RAPH1: variants seen among roughly 807,000 people sequenced by gnomAD.
RAPH1 encodes the protein Ras association (RalGDS/AF-6) and pleckstrin homology domains 1, also known as ras-associated and pleckstrin homology domains-containing protein 1.
Under a neutral mutation model 88.1 loss-of-function variants are expected in RAPH1, and 18 were observed. The ratio of observed to expected loss-of-function variants is 0.20; its 90% CI spans 0.14 to 0.30. The LOEUF (loss-of-function observed/expected upper bound fraction) is 0.30, where lower values mean the gene tolerates loss of function less well. Ranked by LOEUF, RAPH1 falls within the 10% of genes least tolerant of loss-of-function variation. The probability of loss-of-function intolerance (pLI) is 1.00; values close to 1 mark genes in which losing one functional copy is unlikely to be tolerated. For missense variants in RAPH1, 1,448 were observed against 1,543.2 expected, an observed-to-expected ratio of 0.94 and a Z score of 1.03; for synonymous variants, 587 against 559.0, an observed-to-expected ratio of 1.05 and a Z score of -0.71.
intron 1 of RAPH1, among the ~76,000 whole-genome samples, chr2:203,532,308 A>C (rs1690424612): frequency 6.6e-6 from 1 of 152,216 alleles, no homozygotes; most frequent in Non-Finnish European, 1.5e-5. Context: ...TTGGGATGAT[A>C]AAAAATTTCT....
chr2:203,510,645 T>C (rs949624266), intron 1 of RAPH1, among the ~76,000 whole-genome samples: 3 of 152,112 alleles, frequency 2.0e-5, no homozygotes, highest in African/African-American at 7.2e-5. Flanking sequence ...TGGTGGTAGT[T>C]AGATATAAAC....
intron 1 of RAPH1, among the ~76,000 whole-genome samples, chr2:203,519,900 C>T (rs1468624040): frequency 1.3e-5 from 2 of 152,154 alleles, no homozygotes; most frequent in African/African-American, 4.8e-5. Context: ...TAACATTTTC[C>T]TATAGAGAAA....
In RAPH1 at chr2:203,502,737, G is replaced by A. The variant is rs572027435; in HGVS notation, c.1-7384C>T. Among the ~76,000 whole-genome samples, 15 of 149,470 alleles carry A rather than the reference G, an allele frequency of 1.0e-4. No homozygotes were observed. In the East Asian group the frequency reaches 1.0e-3, roughly 10 times the overall value. ...CGGGAGGCTGAGGCAGAAGAATGGC[G>A]TGAACCCTGGAGGTGGAGCTTGCAG... On this transcript the variant is annotated intron_variant, in intron 1 of 13. Coordinates refer to ENST00000319170, the MANE Select transcript of RAPH1 (RefSeq NM_213589.3).
intron 1 of RAPH1, among the ~76,000 whole-genome samples, chr2:203,509,963 G>C (rs528957166): frequency 3.3e-5 from 5 of 152,200 alleles, no homozygotes; most frequent in South Asian, 4.1e-4. Flanking sequence ...CCCAGAAGCA[G>C]AGCAGATGCC....
chr2:203,441,877 G>A (rs2098504564), intron 13 of RAPH1: 1 of 1,350,944 alleles, frequency 7.4e-7, no homozygotes, highest in South Asian at 2.1e-5. Context: ...GGGTTTAGGA[G>A]GGCTTCCTGG....
chr2:203,460,384 G>A (rs1389372482), intron 6 of RAPH1, among the ~76,000 whole-genome samples: 1 of 151,968 alleles, frequency 6.6e-6, no homozygotes, highest in African/African-American at 2.4e-5. Flanking sequence ...TTAGTTCTTG[G>A]CATTTAAAAC....
intron 4 of RAPH1, among the ~76,000 whole-genome samples, chr2:203,468,297 C>T (rs1377424170): frequency 6.6e-6 from 1 of 152,172 alleles, no homozygotes; most frequent in African/African-American, 2.4e-5. Flanking sequence ...GCCTACCTCC[C>T]CAAACCCCAA....
chr2:203,484,266 C>T (rs1324738563), intron 4 of RAPH1, among the ~76,000 whole-genome samples: 3 of 152,150 alleles, frequency 2.0e-5, no homozygotes, highest in Non-Finnish European at 4.4e-5. Flanking sequence ...AACAGAAGGA[C>T]TTCATACAAC....
At chr2:203,463,201 C>CAA (rs71007520) in intron 4 of RAPH1, among the ~76,000 whole-genome samples, 1 of 114,514 alleles carries the variant, frequency 8.7e-6, no homozygotes, top group Admixed American at 9.6e-5. Flanking sequence ...GACTCCATCT[C>CAA]AAAAAAAAAA....
intron 5 of RAPH1, 152 bp from the exon 6 acceptor site, chr2:203,461,560 A>AATAAG: frequency 1.9e-6 from 1 of 530,902 alleles, no homozygotes; most frequent in Non-Finnish European, 3.2e-6. Flanking sequence ...ATAGGCTAAA[A>AATAAG]ATCAGACATC....
chr2:203,435,144 A>ATTTC lies in RAPH1; in HGVS notation c.*4289_*4292dup, dbSNP rs1581233294. On this transcript the variant is annotated 3_prime_UTR_variant, in exon 14 of 14. Coordinates refer to ENST00000319170, the MANE Select transcript of RAPH1 (RefSeq NM_213589.3). ...GTTTTATTCTACAGCTAAATTTCAG[A>ATTTC]TTTCTTTTACATATAGACCTTGCAA... 1.3e-5 allele frequency: 2 copies of ATTTC among 152,318 alleles called. No homozygotes were observed. Among genetic ancestry groups the ATTTC allele is most frequent in the East Asian group, 3.8e-4 (2 of 5,198 alleles). The allele number at this position is 152,318 out of a possible 1,614,324, so 9.4% of individuals were successfully genotyped here.
Position 203,440,172 on chromosome 2 carries a change from C to T in RAPH1, c.3018G>A (p.Pro1006=), listed in dbSNP as rs139084492. Residue 1006 remains proline, a synonymous_variant, in exon 14 of 14, where the codon CCG becomes CCA. Coordinates refer to ENST00000319170, the MANE Select transcript of RAPH1 (RefSeq NM_213589.3). ...TGCTGGGAGACCCTGATTCTGCTGG[C>T]GGTGTAAACTTGCTGACTAGACTGT... ...SVDSLVSKFT[P]PAESGSPSKE... is the part of the protein sequence containing the mutation. 3.8e-4 allele frequency: 621 copies of T among 1,613,550 alleles called. No individual in the cohort carries two copies. Among genetic ancestry groups the T allele is most frequent in the Non-Finnish European group, 4.8e-4 (567 of 1,179,974 alleles).
chr2:203,489,259 C>T lies in RAPH1; in HGVS notation c.732+325G>A, dbSNP rs116179025. ...TTAAGTTTTACTTTAAATCAACATA[C>T]ATTAAATAACTAAATGGTTTTGTGA... On this transcript the variant is annotated intron_variant, in intron 4 of 13. Coordinates refer to ENST00000319170, the MANE Select transcript of RAPH1 (RefSeq NM_213589.3). Among the ~76,000 whole-genome samples the T allele has an allele frequency of 6.5e-3, 989 of 152,122 alleles. 10 individuals carry two copies. The highest frequency in any genetic ancestry group is 0.023 in the African/African-American group (950 of 41,502).
At chr2:203,454,662 G>T (rs1454935041) in intron 9 of RAPH1, 122 bp from the exon 10 acceptor site, 2 of 634,266 alleles carry the variant, frequency 3.2e-6, no homozygotes, top group Non-Finnish European at 5.4e-6. Flanking sequence ...AGAAATTATT[G>T]CTATTTACAC....
In RAPH1 at chr2:203,437,095, G is replaced by C. The variant is rs1383437089; in HGVS notation, c.*2342C>G. 1 of 152,082 alleles carries C rather than the reference G, an allele frequency of 6.6e-6. No individual in the cohort carries two copies. Among genetic ancestry groups the C allele is most frequent in the Non-Finnish European group, 1.5e-5 (1 of 68,028 alleles). 9.4% of individuals were successfully genotyped at this position (152,082 alleles called of 1,614,324 possible). A position where few individuals can be genotyped will look rare whatever the true frequency, so the allele number is the denominator to read the frequency against. ...GTTCAAAAGGATGTCTGCTATTCCA[G>C]GAAAACAGACCAGAAGCATCTGTTC... On this transcript the variant is annotated 3_prime_UTR_variant, in exon 14 of 14. Coordinates refer to ENST00000319170, the MANE Select transcript of RAPH1 (RefSeq NM_213589.3).
intron 1 of RAPH1, among the ~76,000 whole-genome samples, chr2:203,519,364 C>A (rs1028541576): frequency 1.3e-5 from 2 of 152,086 alleles, no homozygotes; most frequent in Non-Finnish European, 2.9e-5. Context: ...TTAATACAAT[C>A]CATTACATCA....
At chr2:203,441,803 A>C (rs1192134027) in intron 13 of RAPH1, 77 of 1,286,582 alleles carry the variant, frequency 6.0e-5, no homozygotes, top group Non-Finnish European at 7.5e-5. Flanking sequence ...CCAAGGGGAG[A>C]TGTGATGGCT....
rs750318806 is a variant in RAPH1, at chr2:203,477,117, G to A, written c.732+12467C>T. On this transcript the variant is annotated intron_variant, in intron 4 of 13. Coordinates refer to ENST00000319170, the MANE Select transcript of RAPH1 (RefSeq NM_213589.3). Reference sequence around the variant, plus strand: ...TGTTCTTCTGTGAAGTCAATATGACGCTTGGCCTGCTTGCTGGAACATCTC... The same window carrying A: ...TGTTCTTCTGTGAAGTCAATATGACACTTGGCCTGCTTGCTGGAACATCTC... 21 of 1,613,820 alleles carry A rather than the reference G, an allele frequency of 1.3e-5. No homozygotes were observed. The Middle Eastern group carries it at 1.3e-3, about 101-fold the overall frequency.
At chr2:203,454,299 C>T (rs1015020325) in intron 10 of RAPH1, 131 bp downstream of exon 10, 74 of 614,772 alleles carry the variant, frequency 1.2e-4, no homozygotes, top group Admixed American at 1.5e-4. Context: ...CACACTTCAC[C>T]ATTCCTTTTT....
Sources: allele counts gnomAD v4.1 joint callset (sites outside exome capture counted in the v4.1 genomes callset), GRCh38; gene constraint gnomAD v4.1.1; transcripts MANE v1.5; gene names NCBI Gene and HGNC (gene_info 2026-07-23, HGNC 2026-07-21).